The following TAOK3 variants were observed in gnomAD, a reference collection of about 807,000 sequenced individuals.
TAOK3 encodes TAO kinase 3, also known as serine/threonine-protein kinase TAO3.
Under a neutral mutation model 120.4 loss-of-function variants are expected in TAOK3, and 40 were observed. That is an observed-to-expected ratio of 0.33 (90% confidence interval 0.26 to 0.43). The LOEUF (loss-of-function observed/expected upper bound fraction) is 0.43, where lower values mean the gene tolerates loss of function less well. Among genes scored for constraint, TAOK3 ranks in the 20% least tolerant of loss-of-function variants. TAOK3 has a pLI of 1.00. For missense variants in TAOK3, 821 were observed against 1,112.1 expected (o/e 0.74, Z 3.72); for synonymous variants, 355 against 387.5 (o/e 0.92, Z 0.99).
intron 13 of TAOK3, among the ~76,000 whole-genome samples, chr12:118,197,030 T>C (rs1447434079): frequency 1.3e-5 from 2 of 152,200 alleles, no homozygotes; most frequent in Non-Finnish European, 2.9e-5. Context: ...GAGTAAACCA[T>C]CCAATACAAA....
chr12:118,213,963 G>T, intron 10 of TAOK3, 54 bp downstream of exon 10: 1 of 1,441,312 alleles, frequency 6.9e-7, no homozygotes, highest in Non-Finnish European at 9.7e-7. Context: ...TAATAAAAAT[G>T]TCAAATACAT....
chr12:118,197,311 G>A (rs2037778095), intron 13 of TAOK3, among the ~76,000 whole-genome samples: 1 of 151,820 alleles, frequency 6.6e-6, no homozygotes, highest in South Asian at 2.1e-4. Flanking sequence ...TATTTTTTGT[G>A]GATCAAATGC....
chr12:118,293,517 A>AC (rs1265341109), intron 1 of TAOK3, among the ~76,000 whole-genome samples: 1 of 151,950 alleles, frequency 6.6e-6, no homozygotes, highest in African/African-American at 2.4e-5. Context: ...TTCTAAAAAA[A>AC]ATAAAAAATT....
chr12:118,296,998 T>G (rs920830916), intron 1 of TAOK3: 3 of 152,224 alleles, frequency 2.0e-5, no homozygotes, highest in Non-Finnish European at 4.4e-5. Context: ...CAGTTTCTAC[T>G]ATGTGTATGG....
At position 118,288,915 on chromosome 12, in the gene TAOK3, CAAAAAAA is replaced by C. The variant is rs34740967; in HGVS notation, c.-193-22163_-193-22157del. Reference sequence around the variant, plus strand: ...TGGACAACAGAGCAAGACTCTATCTCAAAAAAAAAAAAAAAAAAAAGAAAGAAAGAAA... The same window carrying C: ...TGGACAACAGAGCAAGACTCTATCTCAAAAAAAAAAAAAGAAAGAAAGAAA... On this transcript the variant is annotated intron_variant, in intron 1 of 20. Transcript: ENST00000392533. Among the ~76,000 whole-genome samples the C allele has an allele frequency of 4.2e-5, 4 of 94,194 alleles. No homozygotes were observed. The East Asian group carries it at 1.3e-3, about 30-fold the overall frequency. 61.8% of individuals were successfully genotyped at this position (94,194 alleles called of 152,430 possible). A position where few individuals can be genotyped will look rare whatever the true frequency, so the allele number is the denominator to read the frequency against.
rs770838918 is a variant in TAOK3 at position 118,172,667 on chromosome 12, A to G, written c.1696-7T>C. 12 of 1,613,760 alleles carry G rather than the reference A, an allele frequency of 7.4e-6. No individual in the cohort carries two copies. The highest frequency in any genetic ancestry group is 8.5e-6 in the Non-Finnish European group (10 of 1,179,810). ...TATGGTCCTCATTCATTTCCTAAAAAGAACAGACAAAAACCAAGCCAGCCT... is the reference window on the plus strand; with the variant it reads ...TATGGTCCTCATTCATTTCCTAAAAGGAACAGACAAAAACCAAGCCAGCCT... On this transcript the variant is annotated splice_region_variant and splice_polypyrimidine_tract_variant and intron_variant, in intron 16 of 20. Coordinates refer to ENST00000392533, the MANE Select transcript of TAOK3 (RefSeq NM_016281.4).
At chr12:118,176,117 A>C (rs2036306648) in intron 16 of TAOK3, among the ~76,000 whole-genome samples, 1 of 152,224 alleles carries the variant, frequency 6.6e-6, no homozygotes, top group Non-Finnish European at 1.5e-5. Context: ...CTTCCTTAGG[A>C]AAGTGACATT....
At chr12:118,292,631 T>C (rs2042528102) in intron 1 of TAOK3, among the ~76,000 whole-genome samples, 2 of 152,218 alleles carry the variant, frequency 1.3e-5, no homozygotes, top group African/African-American at 4.8e-5. Flanking sequence ...AGCTGTCTAA[T>C]CTCAAGCCCA....
At chr12:118,224,761 A>C (rs1456983696) in intron 9 of TAOK3, among the ~76,000 whole-genome samples, 1 of 152,206 alleles carries the variant, frequency 6.6e-6, no homozygotes, top group Non-Finnish European at 1.5e-5. Context: ...CAGTAACACT[A>C]TCATCATCCT....
At chr12:118,315,075 C>T (rs1463251057) in intron 1 of TAOK3, among the ~76,000 whole-genome samples, 1 of 152,146 alleles carries the variant, frequency 6.6e-6, no homozygotes, top group Admixed American at 6.5e-5. Flanking sequence ...GGATTACAGG[C>T]ATGTGCCACC....
At chr12:118,354,419 T>C (rs1284063860) in intron 1 of TAOK3, among the ~76,000 whole-genome samples, 1 of 151,588 alleles carries the variant, frequency 6.6e-6, no homozygotes. Context: ...CTAGAAGGAG[T>C]AGGTCAGCAG....
intron 11 of TAOK3, among the ~76,000 whole-genome samples, chr12:118,212,281 TAAAAG>T (rs752837420): frequency 6.6e-6 from 1 of 152,128 alleles, no homozygotes; most frequent in Non-Finnish European, 1.5e-5. Flanking sequence ...GTGCGCCAAA[TAAAAG>T]AAAACACTTC....
intron 1 of TAOK3, among the ~76,000 whole-genome samples, chr12:118,279,868 C>T (rs1367448759): frequency 4.6e-5 from 7 of 150,706 alleles, no homozygotes; most frequent in Admixed American, 1.3e-4. Flanking sequence ...TGGGTTCAAG[C>T]GATTTTCCTG....
At chr12:118,357,110 T>G (rs990417961) in intron 1 of TAOK3, among the ~76,000 whole-genome samples, 2 of 152,210 alleles carry the variant, frequency 1.3e-5, no homozygotes, top group African/African-American at 4.8e-5. Context: ...CTTCTAAAAA[T>G]AACTCCCCAC....
chr12:118,151,719 C>T (rs963220038), intron 20 of TAOK3, among the ~76,000 whole-genome samples: 3 of 152,194 alleles, frequency 2.0e-5, no homozygotes, highest in African/African-American at 7.2e-5. Flanking sequence ...ATGTTTTCTA[C>T]TTCATATTCC....
chr12:118,255,414 C>G (rs1593314130), intron 3 of TAOK3, 34 bp downstream of exon 3: 1 of 1,610,166 alleles, frequency 6.2e-7, no homozygotes, highest in East Asian at 2.2e-5. Context: ...CTTTCTTAAT[C>G]TGATCTATCT....
chr12:118,241,350 T>C (rs1277319410), intron 5 of TAOK3, among the ~76,000 whole-genome samples: 4 of 152,094 alleles, frequency 2.6e-5, no homozygotes, highest in African/African-American at 9.7e-5. Context: ...CTTTAATCAA[T>C]TTTGATGAAA....
At chr12:118,299,437 G>A (rs952656045) in intron 1 of TAOK3, among the ~76,000 whole-genome samples, 4 of 151,984 alleles carry the variant, frequency 2.6e-5, no homozygotes, top group African/African-American at 9.7e-5. Context: ...ATGGGTCTAC[G>A]GTACTTAAGG....
intron 19 of TAOK3, among the ~76,000 whole-genome samples, chr12:118,153,243 A>T (rs1305000921): frequency 1.3e-5 from 2 of 152,108 alleles, no homozygotes; most frequent in African/African-American, 4.8e-5. Flanking sequence ...CCCCATCTAT[A>T]CAAAGATTTT....
Sources: gnomAD v4.1 joint callset for allele counts (sites outside exome capture counted in the v4.1 genomes callset) on GRCh38, gnomAD v4.1.1 for gene constraint, MANE v1.5 for transcripts, NCBI Gene and HGNC (gene_info 2026-07-23, HGNC 2026-07-21) for gene names.